The following RAI14 variants were observed in gnomAD, a reference collection of about 807,000 sequenced individuals.
RAI14 encodes the protein ankycorbin.
In RAI14, 45 loss-of-function variants were observed where a neutral mutation model predicts 115.4. The observed-to-expected ratio is 0.39, with a 90% CI of 0.31 to 0.50. The LOEUF is 0.50. RAI14 is among the 20% of genes least tolerant of loss of function. RAI14 has a pLI of 0.85. For missense variants in RAI14, 939 were observed against 1,131.2 expected (o/e 0.83, Z 2.44); for synonymous variants, 371 against 415.4 (o/e 0.89, Z 1.30).
At chr5:34,694,487 C>T (rs1341723899) in intron 2 of RAI14, among the ~76,000 whole-genome samples, 1 of 152,188 alleles carries the variant, frequency 6.6e-6, no homozygotes, top group African/African-American at 2.4e-5. Flanking sequence ...GTTTGAGTCC[C>T]TCCCTCCTTT....
At chr5:34,802,741 C>T (rs1451919447) in intron 4 of RAI14, among the ~76,000 whole-genome samples, 1 of 152,094 alleles carries the variant, frequency 6.6e-6, no homozygotes, top group East Asian at 1.9e-4. Context: ...GTGATAGAAG[C>T]TGCTAAGTGC....
intron 2 of RAI14, among the ~76,000 whole-genome samples, chr5:34,724,337 C>T (rs1743182560): frequency 6.6e-6 from 1 of 152,142 alleles, no homozygotes; most frequent in African/African-American, 2.4e-5. Flanking sequence ...TTCTAGAGGA[C>T]AGATCCATAT....
intron 2 of RAI14, among the ~76,000 whole-genome samples, chr5:34,697,530 A>G (rs183598311): frequency 6.6e-6 from 1 of 151,732 alleles, no homozygotes; most frequent in East Asian, 1.9e-4. Flanking sequence ...TTTTCCTTTT[A>G]TGTCCTGTAA....
At chr5:34,709,268 C>G (rs376681868) in intron 2 of RAI14, among the ~76,000 whole-genome samples, 44 of 151,912 alleles carry the variant, frequency 2.9e-4, no homozygotes, top group Middle Eastern at 6.8e-3. Flanking sequence ...GCCAACTTGG[C>G]GAAACCCCGT....
At chr5:34,677,161 ATTT>A (rs747450748) in intron 1 of RAI14, among the ~76,000 whole-genome samples, 18 of 83,134 alleles carry the variant, frequency 2.2e-4, no homozygotes, top group African/African-American at 6.7e-4. Context: ...TGACATTTCT[ATTT>A]TTTTTTTTTT....
At chr5:34,793,081 G>GT (rs750243021) in intron 3 of RAI14, among the ~76,000 whole-genome samples, 14 of 152,312 alleles carry the variant, frequency 9.2e-5, no homozygotes, top group Non-Finnish European at 1.5e-4. Context: ...CCCTGAAAAT[G>GT]TATTTCAGCC....
At chr5:34,756,096 C>T (rs1424841614) in intron 2 of RAI14, among the ~76,000 whole-genome samples, 1 of 152,200 alleles carries the variant, frequency 6.6e-6, no homozygotes. Context: ...TTCAGAGATG[C>T]AAATTCTGAA....
intron 4 of RAI14, 142 bp from the exon 5 acceptor site, chr5:34,803,570 A>G: frequency 1.5e-6 from 1 of 683,264 alleles, no homozygotes; most frequent in East Asian, 3.2e-5. Flanking sequence ...AAACAAAAAA[A>G]CAAACAAACA....
intron 3 of RAI14, among the ~76,000 whole-genome samples, chr5:34,759,581 G>A (rs1486461184): frequency 1.3e-5 from 2 of 152,124 alleles, no homozygotes; most frequent in African/African-American, 2.4e-5. Flanking sequence ...CTGATGATCT[G>A]TCAGTGTCTC....
intron 2 of RAI14, among the ~76,000 whole-genome samples, chr5:34,710,613 A>G (rs1034819110): frequency 1.3e-5 from 2 of 152,214 alleles, no homozygotes; most frequent in African/African-American, 2.4e-5. Flanking sequence ...TGAGAATCAC[A>G]TAAGTTGCTT....
chr5:34,668,052 G>A (rs1042344860), intron 1 of RAI14, among the ~76,000 whole-genome samples: 2 of 152,166 alleles, frequency 1.3e-5, no homozygotes, highest in Non-Finnish European at 2.9e-5. Context: ...GTGGGAACTT[G>A]TGAGACAGGA....
At chr5:34,709,491 G>A (rs11750745) in intron 2 of RAI14, among the ~76,000 whole-genome samples, 27,702 of 152,132 alleles carry the variant, frequency 0.18, 2,695 homozygotes, top group Non-Finnish European at 0.22. Flanking sequence ...ACTTTCAAAA[G>A]TCTGTAGCTA....
At chr5:34,799,888 C>T (rs1754057992) in intron 4 of RAI14, among the ~76,000 whole-genome samples, 2 of 152,032 alleles carry the variant, frequency 1.3e-5, no homozygotes, top group Admixed American at 6.6e-5. Context: ...GGGGTTTCAC[C>T]GTGTTAGCCA....
At chr5:34,720,825 C>G (rs1742618300) in intron 2 of RAI14, among the ~76,000 whole-genome samples, 1 of 152,048 alleles carries the variant, frequency 6.6e-6, no homozygotes, top group Non-Finnish European at 1.5e-5. Context: ...TCTGCATGTG[C>G]TATTCACATG....
chr5:34,686,937 G>C lies in RAI14; in HGVS notation c.18G>C (p.Ala6=). Residue 6 remains alanine (A), a synonymous_variant, in exon 2 of 18, where the codon GCG becomes GCC. Coordinates refer to ENST00000265109, the MANE Select transcript of RAI14 (RefSeq NM_015577.3). ...CACTAAACATGAAGAGCTTGAAAGC[G>C]AAGTTCAGGAAGAGTGACGTGAGTA... The part of the protein sequence containing the change: MKSLK[A]KFRKSDTNEW... 1 of 1,613,766 alleles carries C rather than the reference G, an allele frequency of 6.2e-7. No homozygotes were observed. Among genetic ancestry groups the C allele is most frequent in the Non-Finnish European group, 8.5e-7 (1 of 1,179,842 alleles).
In RAI14 at chr5:34,831,504, T is replaced by A. The variant is rs138022389; in HGVS notation, c.*739T>A. The A allele has an allele frequency of 6.5e-6, 1 of 152,766 alleles. No individual in the cohort carries two copies. Among genetic ancestry groups the A allele is most frequent in the African/African-American group, 2.4e-5 (1 of 41,582 alleles). 9.5% of individuals were successfully genotyped at this position (152,766 alleles called of 1,614,324 possible). Reference sequence around the variant, plus strand: ...GCTGTTATCTGTGAAGCTCAGGAAATCCAAACATTTGTGTTTCAACAAGGG... The same window carrying A: ...GCTGTTATCTGTGAAGCTCAGGAAAACCAAACATTTGTGTTTCAACAAGGG... On this transcript the variant is annotated 3_prime_UTR_variant, in exon 18 of 18. Coordinates refer to ENST00000265109, the MANE Select transcript of RAI14 (RefSeq NM_015577.3).
At chr5:34,741,482 A>G (rs972049999) in intron 2 of RAI14, among the ~76,000 whole-genome samples, 2 of 152,206 alleles carry the variant, frequency 1.3e-5, no homozygotes, top group Non-Finnish European at 2.9e-5. Flanking sequence ...GCAGGGAGCA[A>G]CTTTATGCCT....
At chr5:34,806,316 G>A (rs1283755379) in intron 5 of RAI14, among the ~76,000 whole-genome samples, 2 of 152,180 alleles carry the variant, frequency 1.3e-5, no homozygotes, top group Non-Finnish European at 2.9e-5. Context: ...GTCATGATGG[G>A]CTTGACTGCA....
At chr5:34,668,393 C>T (rs980124991) in intron 1 of RAI14, among the ~76,000 whole-genome samples, 1 of 121,286 alleles carries the variant, frequency 8.2e-6, no homozygotes, top group African/African-American at 3.0e-5. Flanking sequence ...GACTCTGTCT[C>T]AAAAAAAAAA....
Sources: gnomAD v4.1 joint callset for allele counts (sites outside exome capture counted in the v4.1 genomes callset) on GRCh38, gnomAD v4.1.1 for gene constraint, MANE v1.5 for transcripts, NCBI Gene and HGNC (gene_info 2026-07-23, HGNC 2026-07-21) for gene names.